PPARGC1B: variants seen among roughly 807,000 people sequenced by gnomAD.
PPARGC1B encodes the protein PPARG coactivator 1 beta.
PPARGC1B carries 34 observed loss-of-function variants against 101.6 expected under a neutral mutation model. The observed-to-expected ratio is 0.33, with a 90% CI of 0.25 to 0.45. The LOEUF is 0.45. Among genes scored for constraint, PPARGC1B ranks in the 20% least tolerant of loss-of-function variants. The pLI is 1.00. For missense variants in PPARGC1B, 1,234 were observed against 1,317.6 expected (o/e 0.94, Z 0.98); for synonymous variants, 548 against 539.3 (o/e 1.02, Z -0.22).
In PPARGC1B at chr5:149,832,173, G is replaced by A. The variant is rs146336651; in HGVS notation, c.583-483G>A. ...AAATACAAAAAATTAGCCGGGTGTGGTGATGCACGCCTGTAATCCCAACTA... is the reference window on the plus strand; with the variant it reads ...AAATACAAAAAATTAGCCGGGTGTGATGATGCACGCCTGTAATCCCAACTA... On this transcript the variant is annotated intron_variant, in intron 4 of 11. Coordinates refer to ENST00000309241, the MANE Select transcript of PPARGC1B (RefSeq NM_133263.4). This position sits in a 1 kb window ranked among gnomAD's most constrained non-coding sequence, Gnocchi z 4.9. Among the ~76,000 whole-genome samples the A allele has an allele frequency of 1.3e-3, 205 of 152,272 alleles. 2 individuals carry two copies. In the Middle Eastern group the frequency reaches 0.014, roughly 10 times the overall value.
At chr5:149,799,697 T>TGTTG (rs1167901754) in intron 1 of PPARGC1B, among the ~76,000 whole-genome samples, 2 of 126,398 alleles carry the variant, frequency 1.6e-5, no homozygotes, top group Admixed American at 1.6e-4. Context: ...GTTGTTGTTT[T>TGTTG]TTTTTTTTTT....
intron 1 of PPARGC1B, among the ~76,000 whole-genome samples, chr5:149,799,263 A>G (rs898327877): frequency 6.6e-6 from 1 of 152,134 alleles, no homozygotes; most frequent in Non-Finnish European, 1.5e-5. Flanking sequence ...GTCTGCTGGC[A>G]TAAGTGGTGC....
rs138746644 is a variant in PPARGC1B, at chr5:149,788,911, C to A, written c.79-31522C>A. Among the ~76,000 whole-genome samples, 526 of 152,212 alleles carry A rather than the reference C, an allele frequency of 3.5e-3. 5 individuals are homozygous for A. Among genetic ancestry groups the A allele is most frequent in the African/African-American group, 0.012 (495 of 41,522 alleles). On this transcript the variant is annotated intron_variant, in intron 1 of 11. Coordinates refer to ENST00000309241, the MANE Select transcript of PPARGC1B (RefSeq NM_133263.4). ...TGGACACAGGGTGGGGAACATCACA[C>A]CCTGGGGCCTGTTGTGGGGTGGGAG...
intron 1 of PPARGC1B, among the ~76,000 whole-genome samples, chr5:149,740,448 C>T (rs952339955): frequency 1.3e-5 from 2 of 152,096 alleles, no homozygotes; most frequent in African/African-American, 2.4e-5. Context: ...TAGTCGAGGC[C>T]CTGAGGTTCT....
chr5:149,836,290 A>G lies in PPARGC1B; in HGVS notation c.1835A>G (p.Tyr612Cys), dbSNP rs1561620125. ...CTCACCCCACCCACCACACCACCGTACAAGCCCACAGAGGAGGATCCCTTC... is the reference window on the plus strand; with the variant it reads ...CTCACCCCACCCACCACACCACCGTGCAAGCCCACAGAGGAGGATCCCTTC... The part of the protein sequence containing the change: ...AGLTPPTTPP[Y>C]KPTEEDPFKP... The change falls in exon 8 of 12, where the codon TAC becomes TGC. Residue 612 changes from tyrosine (Y) to cysteine (C), a missense_variant. This residue lies in a region of PPARGC1B where 497 missense variants were observed against 529.5 expected (regional missense o/e 0.94). Coordinates refer to ENST00000309241, the MANE Select transcript of PPARGC1B (RefSeq NM_133263.4). 4 of 1,601,408 alleles carry G rather than the reference A, an allele frequency of 2.5e-6. No individual in the cohort carries two copies. Among genetic ancestry groups the G allele is most frequent in the African/African-American group, 2.7e-5 (2 of 74,386 alleles).
chr5:149,833,058 T>G lies in PPARGC1B; in HGVS notation c.985T>G (p.Ser329Ala). The part of the protein sequence containing the change: ...PSQQVRSRPW[S>A]RHHSKASWAE... ...CCAGCAGGTCAGATCCCGGCCCTGG[T>G]CCCGGCACCACTCCAAAGCCTCCTG... The change falls in exon 5 of 12, where the codon TCC becomes GCC. Residue 329 changes from serine (S) to alanine (A), a missense_variant. Coordinates refer to ENST00000309241, the MANE Select transcript of PPARGC1B (RefSeq NM_133263.4). This position sits in a 1 kb window ranked among gnomAD's most constrained non-coding sequence, Gnocchi z 4.1. The G allele has an allele frequency of 1.2e-6, 2 of 1,613,728 alleles. No individual in the cohort carries two copies. The highest frequency in any genetic ancestry group is 1.7e-6 in the Non-Finnish European group (2 of 1,180,008).
At chr5:149,813,530 T>G (rs1266469667) in intron 1 of PPARGC1B, among the ~76,000 whole-genome samples, 1 of 152,096 alleles carries the variant, frequency 6.6e-6, no homozygotes, top group Non-Finnish European at 1.5e-5. Context: ...GCCGGCAGGT[T>G]TAGAACTGAG....
chr5:149,836,562 G>T lies in PPARGC1B; in HGVS notation c.2107G>T (p.Val703Phe), dbSNP rs115650813. The T allele has an allele frequency of 6.8e-6, 11 of 1,613,876 alleles. No homozygotes were observed. In the African/African-American group the frequency reaches 1.5e-4, roughly 21 times the overall value. ...CTGCCAGGTGCTCCGACCAGAAGGCGTCCTGCAAAGGAAGGTGCTGAGGTC... is the reference window on the plus strand; with the variant it reads ...CTGCCAGGTGCTCCGACCAGAAGGCTTCCTGCAAAGGAAGGTGCTGAGGTC... ...DYCQVLRPEG[V>F]LQRKVLRSWE... The change falls in exon 8 of 12, where the codon GTC becomes TTC. Residue 703 changes from valine to phenylalanine, a missense_variant. Val to Phe is a conservative substitution (Grantham distance 50, BLOSUM62 -1). Coordinates refer to ENST00000309241, the MANE Select transcript of PPARGC1B (RefSeq NM_133263.4).
At chr5:149,814,656 T>C (rs541060410) in intron 1 of PPARGC1B, among the ~76,000 whole-genome samples, 1 of 152,354 alleles carries the variant, frequency 6.6e-6, no homozygotes, top group Admixed American at 6.5e-5. Context: ...TTGCTGATTA[T>C]AGCCAGGAAA....
chr5:149,845,804 C>T lies in PPARGC1B; in HGVS notation c.2861C>T (p.Ala954Val), dbSNP rs772043685. ...ATCACCTACCGGTGTTCTGAGCACG[C>T]GGCCCTCTCTTTGACAAAGGGCGCT... ...GFITYRCSEH[A>V]ALSLTKGAAL... Residue 954 changes from alanine to valine, a missense_variant, in exon 11 of 12, where the codon GCG becomes GTG. Around this residue, in one of 3 missense-constraint regions of PPARGC1B, gnomAD observed 497 missense variants for 529.5 expected, o/e 0.94. Transcript: ENST00000309241. The T allele has an allele frequency of 9.9e-6, 16 of 1,613,894 alleles. No homozygotes were observed. The highest frequency in any genetic ancestry group is 3.3e-5 in the South Asian group (3 of 91,086).
At chr5:149,782,655 G>A (rs73265629) in intron 1 of PPARGC1B, among the ~76,000 whole-genome samples, 2,751 of 152,354 alleles carry the variant, frequency 0.018, 73 homozygotes, top group African/African-American at 0.061. Flanking sequence ...TCAGCCAAGA[G>A]GGAGGGGAGG....
chr5:149,834,220 C>G (rs1758949595), intron 5 of PPARGC1B, among the ~76,000 whole-genome samples: 1 of 152,212 alleles, frequency 6.6e-6, no homozygotes, highest in Non-Finnish European at 1.5e-5. Flanking sequence ...ACTTACCGTG[C>G]TGGCACTGGT....
chr5:149,836,693 C>T lies in PPARGC1B; in HGVS notation c.2238C>T (p.Gly746=), dbSNP rs45588534. 84,866 of 1,613,668 alleles carry T rather than the reference C, an allele frequency of 0.053. 3,946 individuals carry two copies. The highest frequency in any genetic ancestry group is 0.23 in the Admixed American group (13,890 of 60,022). Residue 746 remains glycine (G), a synonymous_variant, in exon 8 of 12, where the codon GGC becomes GGT. Coordinates refer to ENST00000309241, the MANE Select transcript of PPARGC1B (RefSeq NM_133263.4). ...GREEDRSCDA[G]APPKDSTLLR... ...AGGAAGACAGAAGCTGTGATGCTGG[C>T]GCCCCACCCAAGGACAGCACGCTGC...
chr5:149,780,933 G>T (rs146233758), intron 1 of PPARGC1B, among the ~76,000 whole-genome samples: 1 of 152,236 alleles, frequency 6.6e-6, no homozygotes, highest in African/African-American at 2.4e-5. Context: ...GCAGGGCGCG[G>T]TGGCTCATGC....
At chr5:149,823,122 A>G (rs994672134) in intron 2 of PPARGC1B, among the ~76,000 whole-genome samples, 3 of 152,138 alleles carry the variant, frequency 2.0e-5, no homozygotes, top group African/African-American at 4.8e-5. Flanking sequence ...GGGCATGACA[A>G]GCCCTTAGTA....
intron 1 of PPARGC1B, among the ~76,000 whole-genome samples, chr5:149,739,333 C>G (rs181643543): frequency 6.6e-6 from 1 of 152,206 alleles, no homozygotes; most frequent in African/African-American, 2.4e-5. Context: ...CTCCCAATAA[C>G]TGTGAGACTG....
Position 149,830,816 on chromosome 5 carries a change from C to A in PPARGC1B, c.515C>A (p.Thr172Asn), listed in dbSNP as rs754792412. The A allele has an allele frequency of 6.2e-7, 1 of 1,614,190 alleles. No homozygotes were observed. The highest frequency in any genetic ancestry group is 1.1e-5 in the South Asian group (1 of 91,084). ...TCCTACCCAACATCAAGCTCTGACA[C>A]CCAGAAGGAAGGGACCGCCTGGCGC... is the stretch of plus-strand genomic sequence containing the variant. ...ATSYPTSSSD[T>N]QKEGTAWRQA... The change falls in exon 4 of 12, where the codon ACC (threonine) becomes AAC (asparagine). Residue 172 changes from threonine to asparagine, a missense_variant. Thr to Asn is a moderately conservative substitution (Grantham distance 65). Coordinates refer to ENST00000309241, the MANE Select transcript of PPARGC1B (RefSeq NM_133263.4).
At chr5:149,841,266 G>A (rs1013399371) in intron 9 of PPARGC1B, among the ~76,000 whole-genome samples, 5 of 152,164 alleles carry the variant, frequency 3.3e-5, no homozygotes, top group Admixed American at 2.0e-4. Context: ...GCAACCAAGC[G>A]AAGACTCAGG....
Position 149,845,818 on chromosome 5 carries a change from A to G in PPARGC1B, c.2875A>G (p.Thr959Ala), listed in dbSNP as rs752757448. Residue 959 changes from threonine (T) to alanine (A), a missense_variant, in exon 11 of 12, where the codon ACA becomes GCA. Around this residue, in one of 3 missense-constraint regions of PPARGC1B, gnomAD observed 497 missense variants for 529.5 expected, o/e 0.94. Coordinates refer to ENST00000309241, the MANE Select transcript of PPARGC1B (RefSeq NM_133263.4). ...TTCTGAGCACGCGGCCCTCTCTTTG[A>G]CAAAGGGCGCTGCCCTGAGGAAGCG... ...RCSEHAALSL[T>A]KGAALRKRNE... 1.8e-5 allele frequency: 29 copies of G among 1,614,006 alleles called. No homozygotes were observed. Among genetic ancestry groups the G allele is most frequent in the Non-Finnish European group, 2.5e-5 (29 of 1,180,002 alleles).
Sources: gnomAD v4.1 joint callset for allele counts (sites outside exome capture counted in the v4.1 genomes callset) on GRCh38, gnomAD v4.1.1 for gene constraint, gnomAD v4.1.1 regional missense constraint, Gnocchi (gnomAD v3.1) non-coding constraint, MANE v1.5 for transcripts, NCBI Gene and HGNC (gene_info 2026-07-23, HGNC 2026-07-21) for gene names.